The following NUAK1 variants were observed in gnomAD, a reference collection of about 807,000 sequenced individuals.
NUAK1 encodes the protein NUAK family SNF1-like kinase 1.
NUAK1 carries 26 observed loss-of-function variants against 56.9 expected under a neutral mutation model. That is an observed-to-expected ratio of 0.46 (90% confidence interval 0.33 to 0.63). NUAK1 has a LOEUF of 0.63. Among genes scored for constraint, NUAK1 ranks in the 30% least tolerant of loss-of-function variants. NUAK1 has a pLI of 0.02. For missense variants in NUAK1, 727 were observed against 876.1 expected, an observed-to-expected ratio of 0.83 and a Z score of 2.15; for synonymous variants, 337 against 336.0, an observed-to-expected ratio of 1.00 and a Z score of -0.03.
At chr12:106,100,415 G>C (rs2032735435) in intron 2 of NUAK1, among the ~76,000 whole-genome samples, 1 of 151,998 alleles carries the variant, frequency 6.6e-6, no homozygotes, top group Admixed American at 6.6e-5. Flanking sequence ...CCTTTGTATG[G>C]CATTCCCAGG....
chr12:106,078,641 G>A (rs777943819), intron 4 of NUAK1, among the ~76,000 whole-genome samples: 1 of 152,222 alleles, frequency 6.6e-6, no homozygotes, highest in African/African-American at 2.4e-5. Flanking sequence ...AAGGCAGGGA[G>A]TGGAACAAGG....
At chr12:106,091,415 A>G (rs1326738614) in intron 2 of NUAK1, among the ~76,000 whole-genome samples, 1 of 152,176 alleles carries the variant, frequency 6.6e-6, no homozygotes, top group East Asian at 1.9e-4. Context: ...AGCACAGCAG[A>G]AAGCACCTAC....
intron 2 of NUAK1, among the ~76,000 whole-genome samples, chr12:106,102,331 T>C (rs961589163): frequency 3.9e-5 from 6 of 152,184 alleles, no homozygotes; most frequent in Non-Finnish European, 8.8e-5. Flanking sequence ...AAACATTATA[T>C]AGCAGCACTG....
intron 1 of NUAK1, among the ~76,000 whole-genome samples, chr12:106,134,690 T>C (rs2033112688): frequency 6.6e-6 from 1 of 152,232 alleles, no homozygotes; most frequent in Non-Finnish European, 1.5e-5. Flanking sequence ...TTGTGTGGCC[T>C]GTAGGTCCAG....
Position 106,138,638 on chromosome 12 carries a change from C to T in NUAK1, c.16G>A (p.Ala6Thr), listed in dbSNP as rs752828561. 2.6e-6 allele frequency: 4 copies of T among 1,544,484 alleles called. No homozygotes were observed. The highest frequency in any genetic ancestry group is 2.7e-5 in the African/African-American group (2 of 73,614). The change falls in exon 1 of 7, where the codon GCG becomes ACG. Residue 6 changes from alanine (A) to threonine (T), a missense_variant. Coordinates refer to ENST00000261402, the MANE Select transcript of NUAK1 (RefSeq NM_014840.3). This position sits in a 1 kb window ranked among gnomAD's most constrained non-coding sequence, Gnocchi z 5.0. The part of the protein sequence containing the change: MEGAA[A>T]PVAGDRPDLG... ...TCGGGGCGGTCCCCCGCCACAGGCG[C>T]GGCGGCCCCTTCCATGTCCAAGCGC...
chr12:106,106,677 T>G, intron 1 of NUAK1, 152 bp from the exon 2 acceptor site: 1 of 657,942 alleles, frequency 1.5e-6, no homozygotes. Context: ...GTCATGTCTT[T>G]CATACACAGC....
chr12:106,128,224 C>T (rs979037115), intron 1 of NUAK1, among the ~76,000 whole-genome samples: 14 of 151,644 alleles, frequency 9.2e-5, no homozygotes, highest in African/African-American at 2.7e-4. Context: ...CTCCGCCTCC[C>T]GGGTTCAAGC....
intron 1 of NUAK1, among the ~76,000 whole-genome samples, chr12:106,112,444 C>T (rs779746005): frequency 5.3e-5 from 8 of 152,252 alleles, no homozygotes; most frequent in East Asian, 1.9e-4. Context: ...GAGGCCACAC[C>T]GGTCCAAAGC....
At chr12:106,126,062 G>A (rs906716151) in intron 1 of NUAK1, among the ~76,000 whole-genome samples, 1 of 152,168 alleles carries the variant, frequency 6.6e-6, no homozygotes, top group African/African-American at 2.4e-5. Flanking sequence ...AGCCAAGGCT[G>A]CCTAACGGAT....
chr12:106,093,772 G>C (rs948961312), intron 2 of NUAK1, among the ~76,000 whole-genome samples: 1 of 152,172 alleles, frequency 6.6e-6, no homozygotes, highest in East Asian at 1.9e-4. Flanking sequence ...GTAACCTCCA[G>C]GGAGGAAGAG....
rs1347001184 is a variant in NUAK1, at chr12:106,066,615, A to G, written c.*187T>C. 9 of 629,096 alleles carry G rather than the reference A, an allele frequency of 1.4e-5. No homozygotes were observed. Among genetic ancestry groups the G allele is most frequent in the Non-Finnish European group, 2.5e-5 (9 of 356,502 alleles). The allele number at this position is 629,096 out of a possible 1,614,324, so 39.0% of individuals were successfully genotyped here. A position where few individuals can be genotyped will look rare whatever the true frequency, so the allele number is the denominator to read the frequency against. ...CAAATTCTGACTGACAATTGACAGA[A>G]CTGGCAGAAGAGCCCACCTCTCCCT... On this transcript the variant is annotated 3_prime_UTR_variant, in exon 7 of 7. Transcript: ENST00000261402.
At chr12:106,110,575 C>G (rs2032849004) in intron 1 of NUAK1, among the ~76,000 whole-genome samples, 1 of 152,110 alleles carries the variant, frequency 6.6e-6, no homozygotes. Flanking sequence ...AAGAGATTAC[C>G]AAATGTCTGA....
In NUAK1 at chr12:106,066,773, C is replaced by A. The variant is rs745566854; in HGVS notation, c.*29G>T. 18 of 1,562,634 alleles carry A rather than the reference C, an allele frequency of 1.2e-5. No homozygotes were observed. Among genetic ancestry groups the A allele is most frequent in the Middle Eastern group, 3.4e-4 (2 of 5,846 alleles). On this transcript the variant is annotated 3_prime_UTR_variant, in exon 7 of 7. Transcript: ENST00000261402. Reference sequence around the variant, plus strand: ...TCTTGCTCCCCTTCCTCCCTCGTACCCCCGCCCGCCCCTGGGCGCCCTGGA... The same window carrying A: ...TCTTGCTCCCCTTCCTCCCTCGTACACCCGCCCGCCCCTGGGCGCCCTGGA...
intron 1 of NUAK1, among the ~76,000 whole-genome samples, chr12:106,110,192 C>T (rs889694109): frequency 4.6e-5 from 7 of 152,328 alleles, no homozygotes; most frequent in African/African-American, 1.7e-4. Context: ...CACACTGTCT[C>T]CTTTCACCAT....
At position 106,138,549 on chromosome 12, in the gene NUAK1, C is replaced by T; in HGVS notation, c.105G>A (p.Glu35=). The T allele has an allele frequency of 6.2e-7, 1 of 1,611,122 alleles. No individual in the cohort carries two copies. Among genetic ancestry groups the T allele is most frequent in the East Asian group, 2.2e-5 (1 of 44,836 alleles). The change falls in exon 1 of 7, where the codon GAG becomes GAA. Residue 35 remains glutamate, a synonymous_variant. Transcript: ENST00000261402. The surrounding 1 kb of genome is among the most constrained non-coding windows in gnomAD (Gnocchi z 5.0). ...GCTTCACCCCGTGCGGCTTCCTGGG[C>T]TCCAGGGCTGCAGTCGCCCCCGCCA... ...EAVAGATAAL[E]PRKPHGVKRH...
chr12:106,074,832 T>C (rs555087419), intron 4 of NUAK1, among the ~76,000 whole-genome samples: 4 of 152,192 alleles, frequency 2.6e-5, no homozygotes, highest in South Asian at 2.1e-4. Context: ...CCTCAGAAAA[T>C]GCATTCTCCG....
In NUAK1 at chr12:106,069,071, TAGAG is replaced by T. The variant is rs1408924870; in HGVS notation, c.833-1120_833-1117del. 3.3e-5 allele frequency among the ~76,000 whole-genome samples: 5 copies of T among 152,144 alleles called. No homozygotes were observed. In the South Asian group the frequency reaches 8.3e-4, roughly 25 times the overall value. Reference sequence around the variant, plus strand: ...GCTGGCTTGTTGAAAAAATTATATATAGAGAGAGAGATAATGCATATCTATATAT... The same window carrying T: ...GCTGGCTTGTTGAAAAAATTATATATAGAGAGATAATGCATATCTATATAT... On this transcript the variant is annotated intron_variant, in intron 6 of 6. Transcript: ENST00000261402.
intron 1 of NUAK1, among the ~76,000 whole-genome samples, chr12:106,127,675 G>C (rs915018947): frequency 6.6e-6 from 1 of 152,188 alleles, no homozygotes; most frequent in Non-Finnish European, 1.5e-5. Flanking sequence ...GAGAATTGAA[G>C]ATACTTCCTG....
chr12:106,123,392 G>A (rs1413077109), intron 1 of NUAK1, among the ~76,000 whole-genome samples: 1 of 152,128 alleles, frequency 6.6e-6, no homozygotes, highest in Non-Finnish European at 1.5e-5. Context: ...TGGGGCTACT[G>A]GGCACTTGAA....
Sources: allele counts gnomAD v4.1 joint callset (sites outside exome capture counted in the v4.1 genomes callset), GRCh38; gene constraint gnomAD v4.1.1; non-coding constraint Gnocchi (gnomAD v3.1); transcripts MANE v1.5; gene names NCBI Gene and HGNC (gene_info 2026-07-23, HGNC 2026-07-21).